The following SRCIN1 variants were observed in gnomAD, a reference collection of about 807,000 sequenced individuals.
SRCIN1 encodes the protein SRC kinase signaling inhibitor 1, also known as P130Cas-associated protein.
SRCIN1 carries 50 observed loss-of-function variants against 116.2 expected under a neutral mutation model. That is an observed-to-expected ratio of 0.43 (90% CI 0.34 to 0.54). The LOEUF is 0.54. SRCIN1 is among the 20% of genes least tolerant of loss of function. The pLI is 0.02. For missense variants in SRCIN1, 1,446 were observed against 1,672.0 expected, an observed-to-expected ratio of 0.86 and a Z score of 2.36; for synonymous variants, 736 against 750.0, an observed-to-expected ratio of 0.98 and a Z score of 0.30.
intron 1 of SRCIN1, among the ~76,000 whole-genome samples, chr17:38,603,225 A>C (rs1027035787): frequency 6.6e-6 from 1 of 150,480 alleles, no homozygotes; most frequent in African/African-American, 2.4e-5. Context: ...GAGAGAGAGA[A>C]AGAGAGAGAG....
chr17:38,564,143 G>A lies in SRCIN1; in HGVS notation c.516C>T (p.Ala172=). ...FRQSLPLSRS[A]SQTKLRSPGV... is the part of the protein sequence containing the mutation. ...CTGGGGAGCGCAGCTTGGTCTGGCTGGCCGAGCGGGAGAGAGGCAGGCTCT... is the reference window on the plus strand; with the variant it reads ...CTGGGGAGCGCAGCTTGGTCTGGCTAGCCGAGCGGGAGAGAGGCAGGCTCT... Residue 172 remains alanine (A), a synonymous_variant, in exon 4 of 19, where the codon GCC becomes GCT. Transcript: ENST00000617146. 1 of 1,600,540 alleles carries A rather than the reference G, an allele frequency of 6.2e-7. No individual in the cohort carries two copies. Among genetic ancestry groups the A allele is most frequent in the Non-Finnish European group, 8.5e-7 (1 of 1,174,394 alleles).
At chr17:38,591,667 G>A (rs185477696) in intron 1 of SRCIN1, among the ~76,000 whole-genome samples, 17 of 152,266 alleles carry the variant, frequency 1.1e-4, no homozygotes, top group African/African-American at 4.1e-4. Context: ...TAACGCTCAG[G>A]CCTCCCCCAG....
intron 1 of SRCIN1, among the ~76,000 whole-genome samples, chr17:38,580,817 T>C (rs1907745148): frequency 1.3e-5 from 2 of 150,560 alleles, no homozygotes; most frequent in African/African-American, 4.8e-5. Context: ...CATTATTTTA[T>C]GTCTTCTCTT....
chr17:38,549,021 G>A (rs755936870), intron 16 of SRCIN1, 35 bp downstream of exon 16: 1 of 1,610,616 alleles, frequency 6.2e-7, no homozygotes, highest in Non-Finnish European at 8.5e-7. Flanking sequence ...TCCTAACTCA[G>A]TCCCCTGGCC....
In SRCIN1 at chr17:38,564,170, T is replaced by C. The variant is rs769803068; in HGVS notation, c.489A>G (p.Arg163=). The change falls in exon 4 of 19, where the codon CGA becomes CGG. Residue 163 remains arginine (R), a synonymous_variant. Coordinates refer to ENST00000617146, the MANE Select transcript of SRCIN1 (RefSeq NM_025248.3). ...PLGFSRMNRF[R]QSLPLSRSAS... is the part of the protein sequence containing the mutation. The stretch of plus-strand genomic sequence containing the variant: ...CCGAGCGGGAGAGAGGCAGGCTCTG[T>C]CGGAAGCGGTTCATCCTGCTGAAGC... 41 of 1,596,072 alleles carry C rather than the reference T, an allele frequency of 2.6e-5. 1 individual carries two copies. The South Asian group carries it at 4.0e-4, about 16-fold the overall frequency.
chr17:38,566,900 T>TC (rs1374928425), intron 3 of SRCIN1, among the ~76,000 whole-genome samples: 27 of 131,032 alleles, frequency 2.1e-4, no homozygotes, highest in African/African-American at 2.6e-4. Context: ...CTTCCTTCCT[T>TC]CTTTCCTTCC....
intron 1 of SRCIN1, among the ~76,000 whole-genome samples, chr17:38,579,749 G>T (rs1907676449): frequency 6.6e-6 from 1 of 152,182 alleles, no homozygotes; most frequent in Non-Finnish European, 1.5e-5. Context: ...ATGCTCTCCA[G>T]CCCTGAGCTC....
Position 38,564,156 on chromosome 17 carries a change from A to G in SRCIN1, c.503T>C (p.Leu168Pro), listed in dbSNP as rs1374135318. 3 of 1,599,176 alleles carry G rather than the reference A, an allele frequency of 1.9e-6. No individual in the cohort carries two copies. Among genetic ancestry groups the G allele is most frequent in the Non-Finnish European group, 2.6e-6 (3 of 1,173,830 alleles). Reference sequence around the variant, plus strand: ...CTTGGTCTGGCTGGCCGAGCGGGAGAGAGGCAGGCTCTGTCGGAAGCGGTT... The same window carrying G: ...CTTGGTCTGGCTGGCCGAGCGGGAGGGAGGCAGGCTCTGTCGGAAGCGGTT... ...RMNRFRQSLP[L>P]SRSASQTKLR... The change falls in exon 4 of 19, where the codon CTC becomes CCC. Residue 168 changes from leucine (L) to proline (P), a missense_variant. By Grantham distance (98) the Leu-to-Pro change is moderately conservative. Around this residue, in one of 5 missense-constraint regions of SRCIN1, gnomAD observed 246 missense variants for 265.1 expected, o/e 0.93. Coordinates refer to ENST00000617146, the MANE Select transcript of SRCIN1 (RefSeq NM_025248.3).
At position 38,551,988 on chromosome 17, in the gene SRCIN1, G is replaced by A. The variant is rs751989073; in HGVS notation, c.2625C>T (p.Ser875=). Residue 875 remains serine, a synonymous_variant, in exon 14 of 19, where the codon AGC becomes AGT. Transcript: ENST00000617146. ...PSPPLNLHEL[S]GPAEGASLTP... ...TAAGAGAGGCTCCTTCAGCTGGCCC[G>A]CTCAGCTCATGCAGGTTCAGCGGGG... is the stretch of plus-strand genomic sequence containing the variant. 14 of 1,613,980 alleles carry A rather than the reference G, an allele frequency of 8.7e-6. No homozygotes were observed. In the East Asian group the frequency reaches 1.1e-4, roughly 13 times the overall value.
In SRCIN1 at chr17:38,605,709, G is replaced by A; in HGVS notation, c.-4C>T. On this transcript the variant is annotated 5_prime_UTR_variant, in exon 1 of 19. Coordinates refer to ENST00000617146, the MANE Select transcript of SRCIN1 (RefSeq NM_025248.3). ...CTTGGGACGGAGCGTTCCCCATCGG[G>A]CGGGGGCGCGGGGGGCGGGGGCCCC... 8.2e-7 allele frequency: 1 copy of A among 1,220,788 alleles called. No homozygotes were observed. The highest frequency in any genetic ancestry group is 1.0e-6 in the Non-Finnish European group (1 of 972,302). The allele number at this position is 1,220,788 out of a possible 1,614,324, so 75.6% of individuals were successfully genotyped here.
At chr17:38,564,360 C>CA (rs933821226) in intron 3 of SRCIN1, 47 bp from the exon 4 acceptor site, 3 of 1,303,472 alleles carry the variant, frequency 2.3e-6, no homozygotes, top group East Asian at 5.8e-5. Context: ...GAGCACCCCC[C>CA]CTCCCCTTTG....
rs759275796 is a variant in SRCIN1, at chr17:38,552,760, A to C, written c.2297T>G (p.Leu766Arg). The C allele has an allele frequency of 1.2e-6, 2 of 1,613,958 alleles. No individual in the cohort carries two copies. The highest frequency in any genetic ancestry group is 1.7e-6 in the Non-Finnish European group (2 of 1,179,872). The change falls in exon 12 of 19, where the codon CTG becomes CGG. Residue 766 changes from leucine to arginine, a missense_variant. Leu to Arg is a moderately radical substitution (Grantham distance 102). Transcript: ENST00000617146. This position sits in a 1 kb window ranked among gnomAD's most constrained non-coding sequence, Gnocchi z 5.3. The part of the protein sequence containing the change: ...GPELEEKALV[L>R]KQLGETLTEL... The stretch of plus-strand genomic sequence containing the variant: ...TGTCAGCGTCTCCCCGAGCTGCTTC[A>C]GCACCAGTGCCTTCTCCTCCAGCTC...
At chr17:38,578,282 C>A (rs1398765492) in intron 2 of SRCIN1, among the ~76,000 whole-genome samples, 1 of 152,236 alleles carries the variant, frequency 6.6e-6, no homozygotes, top group African/African-American at 2.4e-5. Context: ...GCCAAGCCCC[C>A]ACCCCCTTCC....
At position 38,543,343 on chromosome 17, in the gene SRCIN1, A is replaced by T. The variant is rs185495618; in HGVS notation, c.3417+480T>A. 4.7e-4 allele frequency among the ~76,000 whole-genome samples: 71 copies of T among 152,312 alleles called. No homozygotes were observed. In the Middle Eastern group the frequency reaches 0.01, roughly 22 times the overall value. Reference sequence around the variant, plus strand: ...GAGCTAAGAGGGAGACCAGGATGAGAGTGGGGCCCTGAATAGCAGGCGGAG... The same window carrying T: ...GAGCTAAGAGGGAGACCAGGATGAGTGTGGGGCCCTGAATAGCAGGCGGAG... On this transcript the variant is annotated intron_variant, in intron 18 of 18. Coordinates refer to ENST00000617146, the MANE Select transcript of SRCIN1 (RefSeq NM_025248.3).
chr17:38,552,514 GCTC>G lies in SRCIN1; in HGVS notation c.2410_2412del (p.Glu804del). 1 of 1,605,218 alleles carries G rather than the reference GCTC, an allele frequency of 6.2e-7. No individual in the cohort carries two copies. The highest frequency in any genetic ancestry group is 8.5e-7 in the Non-Finnish European group (1 of 1,176,188). On this transcript the variant is annotated inframe_deletion, in exon 13 of 19. Transcript: ENST00000617146. The surrounding 1 kb of genome is among the most constrained non-coding windows in gnomAD (Gnocchi z 5.3). ...TTGAGGAGCCCATCCAGGCGCTGGG[GCTC>G]CTCCTTCAGGAACTTCACCGCCTCC...
chr17:38,578,716 C>T lies in SRCIN1; in HGVS notation c.98G>A (p.Gly33Asp). 1 of 1,534,674 alleles carries T rather than the reference C, an allele frequency of 6.5e-7. No individual in the cohort carries two copies. The highest frequency in any genetic ancestry group is 8.7e-7 in the Non-Finnish European group (1 of 1,144,206). ...GCCCCCGCTGCCCCCGCCGCCCCCG[C>T]CCCCCAGGGTCCGGTACTCCCGCGG... ...EYPREYRTLGGGGGGGSGGRR... is the reference protein window; with the variant it reads ...EYPREYRTLGDGGGGGSGGRR... Residue 33 changes from glycine to aspartate, a missense_variant, in exon 2 of 19, where the codon GGC (glycine) becomes GAC (aspartate). Coordinates refer to ENST00000617146, the MANE Select transcript of SRCIN1 (RefSeq NM_025248.3).
intron 18 of SRCIN1, 107 bp downstream of exon 18, chr17:38,543,716 G>C: frequency 1.4e-6 from 2 of 1,461,016 alleles, no homozygotes; most frequent in Admixed American, 4.3e-5. Flanking sequence ...TCTGGGAAGA[G>C]GTTGGGAAAG....
chr17:38,571,158 G>C (rs1023450929), intron 2 of SRCIN1, among the ~76,000 whole-genome samples: 7 of 152,162 alleles, frequency 4.6e-5, no homozygotes, highest in South Asian at 2.1e-4. Context: ...CCATGGGACA[G>C]ACTAGCGTGA....
chr17:38,554,080 G>A (rs1163377157), intron 11 of SRCIN1, among the ~76,000 whole-genome samples: 10 of 152,056 alleles, frequency 6.6e-5, no homozygotes, highest in Admixed American at 2.0e-4. Flanking sequence ...CCATGGTGGC[G>A]TGCGGCTGTA....
Sources: gnomAD v4.1 joint callset for allele counts (sites outside exome capture counted in the v4.1 genomes callset) on GRCh38, gnomAD v4.1.1 for gene constraint, gnomAD v4.1.1 regional missense constraint, Gnocchi (gnomAD v3.1) non-coding constraint, MANE v1.5 for transcripts, NCBI Gene and HGNC (gene_info 2026-07-23, HGNC 2026-07-21) for gene names.